The following COPZ1 variants were observed in gnomAD, a reference collection of about 807,000 sequenced individuals.
COPZ1 encodes the protein coatomer subunit zeta-1.
COPZ1 carries 4 observed loss-of-function variants against 31.7 expected under a neutral mutation model. That is an observed-to-expected ratio of 0.13 (90% CI 0.06 to 0.29). The LOEUF (loss-of-function observed/expected upper bound fraction) is 0.29. Ranked by LOEUF, COPZ1 falls within the 10% of genes least tolerant of loss-of-function variation. The pLI, the probability that COPZ1 is intolerant of heterozygous loss-of-function variation, is 1.00. For synonymous variants in COPZ1, 74 were observed against 79.0 expected (o/e 0.94, Z 0.33); for missense variants, 156 against 211.5 (o/e 0.74, Z 1.63).
Position 54,349,613 on chromosome 12 carries a change from G to T in COPZ1, c.448-7G>T, listed in dbSNP as rs1049293563. ...CCACACTAAATGCTTGTATCTCTGT[G>T]CCATAGGGTGAAGATGTCCCCCTTA... On this transcript the variant is annotated splice_polypyrimidine_tract_variant and splice_region_variant and intron_variant, in intron 7 of 8. Coordinates refer to ENST00000262061, the MANE Select transcript of COPZ1 (RefSeq NM_016057.3). The T allele has an allele frequency of 1.9e-6, 3 of 1,611,252 alleles. No homozygotes were observed. The Admixed American group carries it at 5.0e-5, about 27-fold the overall frequency.
chr12:54,334,505 G>A (rs947889985), intron 1 of COPZ1, among the ~76,000 whole-genome samples: 3 of 151,976 alleles, frequency 2.0e-5, no homozygotes, highest in African/African-American at 7.2e-5. Flanking sequence ...GAAGTCTATC[G>A]GATTGTGGCT....
chr12:54,333,534 G>C (rs1416183823), intron 1 of COPZ1, among the ~76,000 whole-genome samples: 2 of 152,120 alleles, frequency 1.3e-5, no homozygotes, highest in African/African-American at 4.8e-5. Flanking sequence ...GTTAATGGCT[G>C]ATCCCCATTA....
chr12:54,328,229 TC>T (rs1207459672), intron 1 of COPZ1, among the ~76,000 whole-genome samples: 7 of 140,944 alleles, frequency 5.0e-5, no homozygotes, highest in African/African-American at 1.3e-4. Flanking sequence ...TGAGCCGAGA[TC>T]GCGCCACTGC....
chr12:54,349,813 C>T, intron 8 of COPZ1, 155 bp downstream of exon 8: 1 of 740,384 alleles, frequency 1.4e-6, no homozygotes, highest in Non-Finnish European at 2.5e-6. Context: ...ACTCATACAG[C>T]CAGCCACTCC....
rs1954129158 is a variant in COPZ1, at chr12:54,350,476, G to A, written c.487G>A (p.Val163Met). The change falls in exon 9 of 9, where the codon GTG (valine) becomes ATG (methionine). Residue 163 changes from valine to methionine, a missense_variant and splice_region_variant. Physicochemically the swap from Val to Met is conservative, Grantham distance 21. Transcript: ENST00000262061. ...CTCAATGCTGCTCTTATCTCTGCAG[G>A]TGCTGCAGTCAGCCAAAGAACAGAT... is the stretch of plus-strand genomic sequence containing the variant. ...VPLTEQTVSQ[V>M]LQSAKEQIKW... 1 of 1,613,802 alleles carries A rather than the reference G, an allele frequency of 6.2e-7. No individual in the cohort carries two copies. Among genetic ancestry groups the A allele is most frequent in the Non-Finnish European group, 8.5e-7 (1 of 1,179,752 alleles).
chr12:54,340,535 G>A lies in COPZ1; in HGVS notation c.19-12G>A, dbSNP rs375615764. 5.0e-5 allele frequency: 80 copies of A among 1,613,682 alleles called. 1 individual carries two copies. The highest frequency in any genetic ancestry group is 6.3e-5 in the Non-Finnish European group (74 of 1,179,832). ...AGGCTTCAGGACTGAAGGTATGTTC[G>A]TATCTCTTCAGGAACCTTCCCTGTA... On this transcript the variant is annotated splice_polypyrimidine_tract_variant and intron_variant, in intron 1 of 8. Coordinates refer to ENST00000262061, the MANE Select transcript of COPZ1 (RefSeq NM_016057.3).
chr12:54,351,714 C>T lies in COPZ1; in HGVS notation c.*1191C>T, dbSNP rs1954151641. On this transcript the variant is annotated 3_prime_UTR_variant, in exon 9 of 9. Transcript: ENST00000262061. Reference sequence around the variant, plus strand: ...CTGCCCCACTTACTAACTGCCAGTTCTCCAGCACTGAGGTGGGGCAGATAA... The same window carrying T: ...CTGCCCCACTTACTAACTGCCAGTTTTCCAGCACTGAGGTGGGGCAGATAA... The T allele has an allele frequency of 6.6e-6, 1 of 152,258 alleles. No individual in the cohort carries two copies. Among genetic ancestry groups the T allele is most frequent in the African/African-American group, 2.4e-5 (1 of 41,462 alleles). The allele number at this position is 152,258 out of a possible 1,614,324, so 9.4% of individuals were successfully genotyped here.
intron 1 of COPZ1, among the ~76,000 whole-genome samples, chr12:54,327,655 G>GTC (rs758407391): frequency 6.6e-6 from 1 of 151,158 alleles, no homozygotes; most frequent in African/African-American, 2.4e-5. Flanking sequence ...TCCCAGCACT[G>GTC]TAAGAGGCTG....
chr12:54,340,753 T>G, intron 2 of COPZ1, 138 bp downstream of exon 2: 1 of 943,592 alleles, frequency 1.1e-6, no homozygotes, highest in African/African-American at 1.7e-5. Flanking sequence ...TTTTTTGAGA[T>G]GGAGTTTCGC....
chr12:54,349,139 C>T (rs1392384558), intron 7 of COPZ1, among the ~76,000 whole-genome samples: 1 of 152,184 alleles, frequency 6.6e-6, no homozygotes, highest in African/African-American at 2.4e-5. Flanking sequence ...CCCCCATCAA[C>T]TCCCCGCTTT....
At position 54,338,283 on chromosome 12, in the gene COPZ1, C is replaced by T. The variant is rs138166420; in HGVS notation, c.19-2264C>T. On this transcript the variant is annotated intron_variant, in intron 1 of 8. Transcript: ENST00000262061. ...TTTCTTCCATTAAGAAAACTCATTC[C>T]CATTGTTGTCTCCCTTTTGGAATTG... Among the ~76,000 whole-genome samples the T allele has an allele frequency of 3.7e-3, 565 of 152,254 alleles. 4 individuals carry two copies. The highest frequency in any genetic ancestry group is 0.013 in the African/African-American group (542 of 41,550).
intron 8 of COPZ1, 156 bp downstream of exon 8, chr12:54,349,814 C>A: frequency 2.7e-6 from 2 of 741,010 alleles, no homozygotes; most frequent in Non-Finnish European, 2.5e-6. Flanking sequence ...CTCATACAGC[C>A]AGCCACTCCC....
In COPZ1 at chr12:54,326,127, T is replaced by TAATAATAATAATAATA. The variant is rs1565586871; in HGVS notation, c.18+947_18+948insATAATAATAATAATAA. On this transcript the variant is annotated intron_variant, in intron 1 of 8. Coordinates refer to ENST00000262061, the MANE Select transcript of COPZ1 (RefSeq NM_016057.3). ...TGAACCACCGCGCCTGGCCAGGAAT[T>TAATAATAATAATAATA]ATTATTATTATTATTATTATTATTA... 1.1e-3 allele frequency among the ~76,000 whole-genome samples: 157 copies of TAATAATAATAATAATA among 142,124 alleles called. 1 individual carries two copies. The East Asian group carries it at 0.014, about 13-fold the overall frequency. 93.2% of individuals were successfully genotyped at this position (142,124 alleles called of 152,430 possible).
At chr12:54,328,951 G>A (rs1054373420) in intron 1 of COPZ1, among the ~76,000 whole-genome samples, 4 of 152,194 alleles carry the variant, frequency 2.6e-5, no homozygotes, top group Non-Finnish European at 5.9e-5. Context: ...CTAAATAACA[G>A]TAAGTTCCCT....
At chr12:54,331,628 G>A (rs1953757367) in intron 1 of COPZ1, among the ~76,000 whole-genome samples, 1 of 152,114 alleles carries the variant, frequency 6.6e-6, no homozygotes, top group African/African-American at 2.4e-5. Context: ...CCTCGGGGTT[G>A]ATTTGGGGGC....
chr12:54,345,956 C>CAA lies in COPZ1; in HGVS notation c.317+456_317+457dup, dbSNP rs776353254. Among the ~76,000 whole-genome samples the CAA allele has an allele frequency of 9.5e-3, 921 of 96,738 alleles. 7 individuals carry two copies. Among genetic ancestry groups the CAA allele is most frequent in the Admixed American group, 0.014 (137 of 9,742 alleles). The allele number at this position is 96,738 out of a possible 152,430, so 63.5% of individuals were successfully genotyped here. On this transcript the variant is annotated intron_variant, in intron 5 of 8. Transcript: ENST00000262061. ...TTGGCGACAGAGTGAGACTCTGTCT[C>CAA]AAAAAAAAAAAAAAAAGTTGGGTTT...
At chr12:54,341,396 C>G (rs572992812) in intron 2 of COPZ1, among the ~76,000 whole-genome samples, 1 of 152,212 alleles carries the variant, frequency 6.6e-6, no homozygotes, top group African/African-American at 2.4e-5. Context: ...TATTCTCCCC[C>G]TCCTGTAGAA....
intron 1 of COPZ1, 59 bp downstream of exon 1, chr12:54,325,240 T>G: frequency 6.5e-7 from 1 of 1,536,696 alleles, no homozygotes; most frequent in Non-Finnish European, 8.8e-7. Flanking sequence ...GGAGTCAGGG[T>G]TCAGCCCGAG....
In COPZ1 at chr12:54,343,246, G is replaced by C. The variant is rs1218829347; in HGVS notation, c.191G>C (p.Gly64Ala). Residue 64 changes from glycine (G) to alanine (A), a missense_variant, in exon 4 of 9, where the codon GGC (glycine) becomes GCC (alanine). Transcript: ENST00000262061. ...CCAGGTGAAATTGCCCTCTTGGAAG[G>C]CCTGACAGTGGTATACAAAAGCAGT... is the stretch of plus-strand genomic sequence containing the variant. ...RTDSEIALLE[G>A]LTVVYKSSID... 6.8e-6 allele frequency: 11 copies of C among 1,613,926 alleles called. No individual in the cohort carries two copies. The highest frequency in any genetic ancestry group is 9.3e-6 in the Non-Finnish European group (11 of 1,179,924).
Sources: allele counts gnomAD v4.1 joint callset (sites outside exome capture counted in the v4.1 genomes callset), GRCh38; gene constraint gnomAD v4.1.1; transcripts MANE v1.5; gene names NCBI Gene and HGNC (gene_info 2026-07-23, HGNC 2026-07-21).